The following GDAP1 variants were observed in gnomAD, a reference collection of about 807,000 sequenced individuals.
GDAP1 encodes the protein ganglioside-induced differentiation-associated protein 1.
Under a neutral mutation model 40.1 loss-of-function variants are expected in GDAP1, and 34 were observed. The ratio of observed to expected loss-of-function variants is 0.85; its 90% CI spans 0.64 to 1.13. The LOEUF is 1.13. Among genes scored for constraint, GDAP1 ranks in the 50% most tolerant of loss-of-function variants. The pLI is 0.00. For missense variants in GDAP1, 374 were observed against 433.7 expected, an observed-to-expected ratio of 0.86 and a Z score of 1.22; for synonymous variants, 170 against 157.4, an observed-to-expected ratio of 1.08 and a Z score of -0.60.
intron 2 of GDAP1, among the ~76,000 whole-genome samples, chr8:74,447,352 G>A (rs988252599): frequency 3.9e-5 from 6 of 152,076 alleles, no homozygotes; most frequent in African/African-American, 1.4e-4. Context: ...ATAGAAAATG[G>A]GGTCCATTTT....
At chr8:74,382,583 C>T (rs142318524) in intron 2 of GDAP1, among the ~76,000 whole-genome samples, 29 of 152,146 alleles carry the variant, frequency 1.9e-4, no homozygotes, top group African/African-American at 6.7e-4. Context: ...AATTTATCAT[C>T]CTTTTTTTCA....
In GDAP1 at chr8:74,454,155, G is replaced by T. The variant is rs1311739065; in HGVS notation, c.166-34523G>T. On this transcript the variant is annotated intron_variant, in intron 2 of 2. Coordinates refer to the GDAP1 transcript ENST00000523640. ...GTGGTTAAACTTTTTTATAAGGGTT[G>T]GATGAGGAAAAATGTTCACCAAACT... 2.8e-4 allele frequency among the ~76,000 whole-genome samples: 23 copies of T among 83,560 alleles called. 9 individuals are homozygous for T. Among genetic ancestry groups the T allele is most frequent in the African/African-American group, 1.2e-3 (23 of 19,112 alleles). 54.8% of individuals were successfully genotyped at this position (83,560 alleles called of 152,430 possible).
At chr8:74,394,224 T>A (rs1484391601) in intron 2 of GDAP1, among the ~76,000 whole-genome samples, 2 of 152,164 alleles carry the variant, frequency 1.3e-5, no homozygotes. Flanking sequence ...TCAGATCTTA[T>A]GAGACTTATT....
chr8:74,350,627 C>T, intron 1 of GDAP1, 49 bp downstream of exon 1: 2 of 1,124,060 alleles, frequency 1.8e-6, no homozygotes, highest in Non-Finnish European at 2.7e-6. Context: ...GGCTTCAGCA[C>T]TGGGACAGCT....
intron 2 of GDAP1, among the ~76,000 whole-genome samples, chr8:74,416,106 A>G (rs912259947): frequency 4.0e-5 from 6 of 149,828 alleles, no homozygotes; most frequent in Admixed American, 3.3e-4. Context: ...AGAGGCAGCT[A>G]TGCTCTTCCC....
intron 2 of GDAP1, among the ~76,000 whole-genome samples, chr8:74,387,705 T>C (rs1810045631): frequency 6.6e-6 from 1 of 152,214 alleles, no homozygotes; most frequent in Non-Finnish European, 1.5e-5. Context: ...TAAAATTAGT[T>C]AGGGAGGAGT....
intron 2 of GDAP1, among the ~76,000 whole-genome samples, chr8:74,414,722 A>C (rs1164054648): frequency 6.7e-6 from 1 of 150,070 alleles, no homozygotes; most frequent in East Asian, 1.9e-4. Flanking sequence ...TGATGTCATC[A>C]GAGTCTCAGA....
chr8:74,367,831 G>A (rs1809686744), downstream of GDAP1, among the ~76,000 whole-genome samples: 1 of 152,214 alleles, frequency 6.6e-6, no homozygotes, highest in Non-Finnish European at 1.5e-5. Flanking sequence ...GACAGTGGAT[G>A]GATGACAGCA....
At chr8:74,363,237 A>G (rs999518442) in intron 5 of GDAP1, among the ~76,000 whole-genome samples, 184 bp downstream of exon 5, 2 of 152,218 alleles carry the variant, frequency 1.3e-5, no homozygotes, top group African/African-American at 4.8e-5. Context: ...TTGTAACTCA[A>G]TCTGCATCTA....
At chr8:74,406,936 T>C (rs898009946) in intron 2 of GDAP1, among the ~76,000 whole-genome samples, 10 of 149,958 alleles carry the variant, frequency 6.7e-5, no homozygotes, top group Non-Finnish European at 1.3e-4. Flanking sequence ...TTACTTAGAA[T>C]GGCTGTTAAT....
intron 2 of GDAP1, among the ~76,000 whole-genome samples, chr8:74,412,799 C>G (rs1288231349): frequency 1.3e-5 from 2 of 149,252 alleles, no homozygotes; most frequent in African/African-American, 5.2e-5. Context: ...TGGCTCACGC[C>G]TGTAATCCCA....
At position 74,405,250 on chromosome 8, in the gene GDAP1, C is replaced by T. The variant is rs1199815762; in HGVS notation, c.165+53929C>T. Among the ~76,000 whole-genome samples the T allele has an allele frequency of 1.3e-5, 2 of 149,960 alleles. 1 individual carries two copies. The highest frequency in any genetic ancestry group is 5.1e-5 in the African/African-American group (2 of 39,316). ...TTATCACTACCACAATATGGGGGAA[C>T]CACCCCCATGATTCAATTATTTCCA... On this transcript the variant is annotated intron_variant, in intron 2 of 2. Transcript: ENST00000523640.
rs1491474412 is a variant in GDAP1 at position 74,356,690 on chromosome 8, GTT to G, written c.311-3445_311-3444del. ...TGTGTGTGTGTGTGTGTGTGTGTGT[GTT>G]TGTGTGTGTGTATATATATATATAT... On this transcript the variant is annotated intron_variant, in intron 2 of 5. Transcript: ENST00000220822. 3.9e-3 allele frequency among the ~76,000 whole-genome samples: 455 copies of G among 116,924 alleles called. 2 individuals carry two copies. The highest frequency in any genetic ancestry group is 8.5e-3 in the Middle Eastern group (2 of 236). The allele number at this position is 116,924 out of a possible 152,430, so 76.7% of individuals were successfully genotyped here. A position where few individuals can be genotyped will look rare whatever the true frequency, so the allele number is the denominator to read the frequency against.
intron 2 of GDAP1, among the ~76,000 whole-genome samples, chr8:74,433,051 C>A (rs897521174): frequency 2.6e-5 from 4 of 152,142 alleles, no homozygotes; most frequent in Non-Finnish European, 5.9e-5. Flanking sequence ...GCTTTCCTTG[C>A]CACTAATCAG....
intron 2 of GDAP1, among the ~76,000 whole-genome samples, chr8:74,434,224 G>A (rs1806061509): frequency 6.6e-6 from 1 of 152,172 alleles, no homozygotes; most frequent in African/African-American, 2.4e-5. Flanking sequence ...CCCTCAGACT[G>A]TGCAGTTCAT....
intron 2 of GDAP1, among the ~76,000 whole-genome samples, chr8:74,376,142 A>G (rs1252978249): frequency 2.6e-5 from 4 of 152,206 alleles, no homozygotes; most frequent in Non-Finnish European, 5.9e-5. Context: ...TACCATATGC[A>G]TGGTTTGGAA....
At chr8:74,447,265 G>T (rs1488504509) in intron 2 of GDAP1, among the ~76,000 whole-genome samples, 2 of 151,978 alleles carry the variant, frequency 1.3e-5, no homozygotes, top group African/African-American at 4.8e-5. Flanking sequence ...TTTTTTTCCA[G>T]ATGCCGCTAT....
At chr8:74,400,744 C>A (rs1380105586) in intron 2 of GDAP1, among the ~76,000 whole-genome samples, 1 of 149,328 alleles carries the variant, frequency 6.7e-6, no homozygotes, top group Non-Finnish European at 1.5e-5. Context: ...TTAGGGCAGG[C>A]CTGGTGGTGA....
At chr8:74,428,204 G>A (rs1023087029) in intron 2 of GDAP1, among the ~76,000 whole-genome samples, 14 of 150,430 alleles carry the variant, frequency 9.3e-5, no homozygotes, top group South Asian at 6.3e-4. Flanking sequence ...ACCAGCCTGG[G>A]CCACATAGTG....
Sources: allele counts gnomAD v4.1 joint callset (sites outside exome capture counted in the v4.1 genomes callset), GRCh38; gene constraint gnomAD v4.1.1; transcripts MANE v1.5; gene names NCBI Gene and HGNC (gene_info 2026-07-23, HGNC 2026-07-21).